The following RASSF3 variants were observed in gnomAD, a reference collection of about 807,000 sequenced individuals.
RASSF3 encodes the protein Ras association domain family member 3, also known as ras association domain-containing protein 3.
In RASSF3, 19 loss-of-function variants were observed where a neutral mutation model predicts 19.9. That is an observed-to-expected ratio of 0.96 (90% CI 0.67 to 1.40). RASSF3 has a LOEUF of 1.40. RASSF3 is among the 40% of genes most tolerant of loss of function. The pLI, the probability that RASSF3 is intolerant of heterozygous loss-of-function variation, is 0.00. For synonymous variants in RASSF3, 110 were observed against 104.2 expected, an observed-to-expected ratio of 1.06 and a Z score of -0.34; for missense variants, 306 against 289.8, an observed-to-expected ratio of 1.06 and a Z score of -0.41.
chr12:64,535,035 C>G (rs2136111711), intron 1 of RASSF3, among the ~76,000 whole-genome samples: 1 of 151,604 alleles, frequency 6.6e-6, no homozygotes, highest in Non-Finnish European at 1.5e-5. Context: ...TTTCAGCATG[C>G]TGTGTCATTG....
At chr12:64,579,657 A>G (rs896303599) in intron 2 of RASSF3, among the ~76,000 whole-genome samples, 17 of 151,880 alleles carry the variant, frequency 1.1e-4, no homozygotes, top group Non-Finnish European at 2.4e-4. Flanking sequence ...GGCCAGCAAT[A>G]GCCAAATTCT....
chr12:64,598,469 A>G (rs931370919), intron 2 of RASSF3, among the ~76,000 whole-genome samples: 4 of 152,202 alleles, frequency 2.6e-5, no homozygotes, highest in Admixed American at 1.3e-4. Context: ...GAAAGAGTGG[A>G]TGTAGCTATA....
intron 2 of RASSF3, among the ~76,000 whole-genome samples, chr12:64,586,110 A>G (rs1262745672): frequency 6.6e-6 from 1 of 152,082 alleles, no homozygotes; most frequent in Non-Finnish European, 1.5e-5. Context: ...GGATCACCTG[A>G]AGTCAGGAGT....
chr12:64,601,689 T>C (rs1870093545), intron 2 of RASSF3, among the ~76,000 whole-genome samples: 1 of 151,874 alleles, frequency 6.6e-6, no homozygotes, highest in Admixed American at 6.6e-5. Flanking sequence ...GGTGCGTGCC[T>C]GTAGTCCCAG....
At position 64,593,917 on chromosome 12, in the gene RASSF3, C is replaced by T. The variant is rs184175240; in HGVS notation, c.294+52212C>T. On this transcript the variant is annotated intron_variant, in intron 2 of 5. Coordinates refer to the RASSF3 transcript ENST00000637125. ...ATCCCAGCTACTCAGGAGGCTGAGG[C>T]AGGAGAATCACTTGAACCCAGGAGA... is the stretch of plus-strand genomic sequence containing the variant. 2.1e-5 allele frequency among the ~76,000 whole-genome samples: 3 copies of T among 146,296 alleles called. No homozygotes were observed. In the Admixed American group the frequency reaches 2.1e-4, roughly 10 times the overall value.
intron 1 of RASSF3, among the ~76,000 whole-genome samples, chr12:64,516,929 G>A (rs1475184701): frequency 8.8e-5 from 13 of 147,666 alleles, no homozygotes; most frequent in Non-Finnish European, 1.9e-4. Flanking sequence ...AACCTGGGAG[G>A]CAGAGGTTGC....
At chr12:64,648,095 C>T (rs569545760) in intron 1 of RASSF3, among the ~76,000 whole-genome samples, 1 of 152,280 alleles carries the variant, frequency 6.6e-6, no homozygotes, top group East Asian at 1.9e-4. Flanking sequence ...GACATGTGAA[C>T]ACTAGGAGTT....
intron 1 of RASSF3, among the ~76,000 whole-genome samples, chr12:64,680,509 G>A (rs1873083154): frequency 6.6e-6 from 1 of 152,128 alleles, no homozygotes; most frequent in Non-Finnish European, 1.5e-5. Context: ...GAATGATGAG[G>A]CCTTGGTGTA....
intron 2 of RASSF3, among the ~76,000 whole-genome samples, chr12:64,561,335 A>C (rs548106697): frequency 9.8e-5 from 15 of 152,334 alleles, no homozygotes; most frequent in African/African-American, 2.6e-4. Flanking sequence ...AGAAACTTTA[A>C]AATTTAAAAT....
chr12:64,570,481 T>C (rs1029684303), intron 2 of RASSF3, among the ~76,000 whole-genome samples: 1 of 152,220 alleles, frequency 6.6e-6, no homozygotes. Flanking sequence ...GAATTCTCCC[T>C]GTGACCACGC....
intron 1 of RASSF3, among the ~76,000 whole-genome samples, chr12:64,683,266 G>A (rs531776340): frequency 2.0e-5 from 3 of 152,266 alleles, no homozygotes; most frequent in South Asian, 4.1e-4. Context: ...CCTTGATTAG[G>A]TTGTTGGGAG....
chr12:64,561,715 CT>C (rs4046189), intron 2 of RASSF3, among the ~76,000 whole-genome samples: 2,168 of 127,556 alleles, frequency 0.017, 31 homozygotes, highest in African/African-American at 0.037. Flanking sequence ...TAGCATTTAT[CT>C]TTTTTTTTTT....
At chr12:64,564,900 C>T (rs1869403903) in intron 2 of RASSF3, among the ~76,000 whole-genome samples, 1 of 151,818 alleles carries the variant, frequency 6.6e-6, no homozygotes, top group Non-Finnish European at 1.5e-5. Context: ...CCTGCCTTAG[C>T]CTCCCAAGTA....
chr12:64,676,634 G>A (rs915656898), intron 1 of RASSF3, among the ~76,000 whole-genome samples: 4 of 151,460 alleles, frequency 2.6e-5, no homozygotes, highest in African/African-American at 7.3e-5. Context: ...ACCACACCTG[G>A]CTAATTTTGT....
rs143870196 is a variant in RASSF3, at chr12:64,694,190, C to T, written c.568-573C>T. Among the ~76,000 whole-genome samples the T allele has an allele frequency of 1.9e-3, 290 of 152,076 alleles. 1 individual carries two copies. The highest frequency in any genetic ancestry group is 0.017 in the Middle Eastern group (5 of 294). ...GGTTCTAAGCAGGGGAGAGTCTTGG[C>T]CAGATGAGCATTTTACAAAGGATGT... On this transcript the variant is annotated intron_variant, in intron 4 of 4. Transcript: ENST00000542104.
intron 1 of RASSF3, among the ~76,000 whole-genome samples, chr12:64,665,478 T>G (rs535372253): frequency 4.7e-4 from 72 of 152,220 alleles, no homozygotes; most frequent in Non-Finnish European, 1.9e-4. Context: ...ATACTATTAG[T>G]GAGGTAGGAG....
rs138383105 is a variant in RASSF3 at position 64,602,458 on chromosome 12, G to A, written c.294+60753G>A. On this transcript the variant is annotated intron_variant, in intron 2 of 5. Transcript: ENST00000637125. ...TAGCTGGGCATGGTGGTGCACACCTGTAGTCCCAGCTACTCTGGAGGCTGA... is the reference window on the plus strand; with the variant it reads ...TAGCTGGGCATGGTGGTGCACACCTATAGTCCCAGCTACTCTGGAGGCTGA... 3.3e-3 allele frequency among the ~76,000 whole-genome samples: 507 copies of A among 151,822 alleles called. 2 individuals carry two copies. Among genetic ancestry groups the A allele is most frequent in the African/African-American group, 0.012 (482 of 41,420 alleles).
At chr12:64,665,827 T>C (rs1374525398) in intron 1 of RASSF3, among the ~76,000 whole-genome samples, 1 of 152,246 alleles carries the variant, frequency 6.6e-6, no homozygotes, top group Non-Finnish European at 1.5e-5. Flanking sequence ...TCTTCAGCTC[T>C]TTCCTAAGTG....
intron 1 of RASSF3, among the ~76,000 whole-genome samples, chr12:64,666,567 G>A (rs917903795): frequency 6.6e-6 from 1 of 152,124 alleles, no homozygotes; most frequent in Admixed American, 6.5e-5. Context: ...TTATCTTTCT[G>A]GATAACACGT....
Sources: gnomAD v4.1 joint callset for allele counts (sites outside exome capture counted in the v4.1 genomes callset) on GRCh38, gnomAD v4.1.1 for gene constraint, MANE v1.5 for transcripts, NCBI Gene and HGNC (gene_info 2026-07-23, HGNC 2026-07-21) for gene names.